Variants in NHSL1 observed in about 807,000 individuals in gnomAD.
The protein encoded by NHSL1 is NHS like 1.
In NHSL1, 48 loss-of-function variants were observed where a neutral mutation model predicts 95.0. That is an observed-to-expected ratio of 0.51 (90% CI 0.40 to 0.64). The LOEUF (loss-of-function observed/expected upper bound fraction) is 0.64. NHSL1 is among the 30% of genes least tolerant of loss of function. NHSL1 has a pLI of 0.00. For synonymous variants in NHSL1, 783 were observed against 833.9 expected, an observed-to-expected ratio of 0.94 and a Z score of 1.05; for missense variants, 1,971 against 2,077.7, an observed-to-expected ratio of 0.95 and a Z score of 1.00.
intron 1 of NHSL1, among the ~76,000 whole-genome samples, chr6:138,515,651 T>C (rs578135091): frequency 1.3e-5 from 2 of 152,326 alleles, no homozygotes; most frequent in East Asian, 1.9e-4. Flanking sequence ...CTATTTCTTG[T>C]CCATCAGGCA....
Position 138,692,182 on chromosome 6 carries a change from A to T in NHSL1, c.96+294T>A. The T allele has an allele frequency of 2.2e-6, 1 of 456,710 alleles. No homozygotes were observed. Among genetic ancestry groups the T allele is most frequent in the Non-Finnish European group, 4.4e-6 (1 of 226,950 alleles). 28.3% of individuals were successfully genotyped at this position (456,710 alleles called of 1,614,324 possible). On this transcript the variant is annotated intron_variant, in intron 1 of 3. Transcript: ENST00000491526. The surrounding 1 kb of genome is among the most constrained non-coding windows in gnomAD (Gnocchi z 4.0). Reference sequence around the variant, plus strand: ...TACAGCGCCCCGGGGTCTCCCAAACAGACAGACACAGACAGACAGAAGGAG... The same window carrying T: ...TACAGCGCCCCGGGGTCTCCCAAACTGACAGACACAGACAGACAGAAGGAG...
intron 3 of NHSL1, among the ~76,000 whole-genome samples, chr6:138,461,472 G>A (rs534116918): frequency 1.3e-5 from 2 of 152,266 alleles, no homozygotes; most frequent in African/African-American, 4.8e-5. Context: ...AGGAAAACCA[G>A]GAGTGTGTTG....
intron 1 of NHSL1, among the ~76,000 whole-genome samples, chr6:138,559,546 C>A (rs1421662105): frequency 6.6e-6 from 1 of 152,174 alleles, no homozygotes; most frequent in Non-Finnish European, 1.5e-5. Flanking sequence ...AGAGGCACCA[C>A]TACTCTACAC....
chr6:138,486,963 C>G (rs1779767242), intron 2 of NHSL1, among the ~76,000 whole-genome samples: 1 of 152,118 alleles, frequency 6.6e-6, no homozygotes, highest in Non-Finnish European at 1.5e-5. Context: ...CTCTAGCACC[C>G]AAGGATGACT....
chr6:138,503,062 T>C (rs1353654958), upstream of NHSL1, among the ~76,000 whole-genome samples: 1 of 152,210 alleles, frequency 6.6e-6, no homozygotes, highest in Admixed American at 6.5e-5. Flanking sequence ...TATATCCACA[T>C]ACTATCTTTT....
intron 1 of NHSL1, among the ~76,000 whole-genome samples, chr6:138,561,525 T>A (rs1050892941): frequency 2.0e-5 from 3 of 152,196 alleles, no homozygotes; most frequent in Admixed American, 1.3e-4. Flanking sequence ...GGAAACGCCC[T>A]GTAGGCCAGG....
At chr6:138,542,263 C>T (rs187947910) in intron 1 of NHSL1, among the ~76,000 whole-genome samples, 4 of 152,308 alleles carry the variant, frequency 2.6e-5, no homozygotes, top group Admixed American at 2.0e-4. Context: ...AAGGAAGAGT[C>T]TTTCCTGGAG....
upstream of NHSL1, among the ~76,000 whole-genome samples, chr6:138,548,356 C>T (rs1234280569): frequency 1.3e-5 from 2 of 152,170 alleles, no homozygotes; most frequent in African/African-American, 4.8e-5. Flanking sequence ...AAGAGAATCT[C>T]ATTCCAGTCA....
At chr6:138,541,920 TC>T (rs1782595335) in intron 1 of NHSL1, among the ~76,000 whole-genome samples, 1 of 152,164 alleles carries the variant, frequency 6.6e-6, no homozygotes, top group African/African-American at 2.4e-5. Context: ...TAAACACACT[TC>T]CCATGCAGCT....
At chr6:138,472,802 C>A (rs961294471) in intron 3 of NHSL1, among the ~76,000 whole-genome samples, 1 of 152,154 alleles carries the variant, frequency 6.6e-6, no homozygotes, top group Non-Finnish European at 1.5e-5. Context: ...TTGGCTAGTG[C>A]AATAATATTA....
At chr6:138,606,162 C>T (rs1470566383) in intron 1 of NHSL1, among the ~76,000 whole-genome samples, 1 of 152,186 alleles carries the variant, frequency 6.6e-6, no homozygotes, top group African/African-American at 2.4e-5. Context: ...AAGCCACCCA[C>T]AAATCACAAC....
chr6:138,538,539 TA>T (rs1464451224), intron 1 of NHSL1, among the ~76,000 whole-genome samples: 14 of 152,160 alleles, frequency 9.2e-5, no homozygotes, highest in African/African-American at 2.9e-4. Flanking sequence ...GACCACACAT[TA>T]AGTCACTGTT....
At chr6:138,660,800 A>G (rs1421554036) in intron 1 of NHSL1, among the ~76,000 whole-genome samples, 1 of 151,980 alleles carries the variant, frequency 6.6e-6, no homozygotes, top group Non-Finnish European at 1.5e-5. Context: ...TACAAAAAAA[A>G]AAAAAAAAAT....
intron 3 of NHSL1, chr6:138,470,714 CTG>C (rs1778696541): frequency 1.3e-5 from 2 of 152,214 alleles, no homozygotes. Flanking sequence ...AGGGCAGACA[CTG>C]TAACTTGGAG....
intron 1 of NHSL1, among the ~76,000 whole-genome samples, chr6:138,587,596 TTC>T (rs750690039): frequency 2.0e-5 from 3 of 151,790 alleles, no homozygotes; most frequent in Admixed American, 6.6e-5. Context: ...AAAGTTTACA[TTC>T]TGTTTATAGA....
chr6:138,594,659 G>C (rs1470849690), intron 1 of NHSL1, among the ~76,000 whole-genome samples: 3 of 151,898 alleles, frequency 2.0e-5, no homozygotes, highest in African/African-American at 4.8e-5. Flanking sequence ...TTCCTAGGAA[G>C]AGCTAGACAA....
At chr6:138,474,068 A>G (rs1232903055) in intron 2 of NHSL1, among the ~76,000 whole-genome samples, 2 of 152,308 alleles carry the variant, frequency 1.3e-5, no homozygotes, top group African/African-American at 2.4e-5. Flanking sequence ...CTATGGTGCC[A>G]TGGATCTCGG....
At chr6:138,663,284 G>C (rs1014521044) in intron 1 of NHSL1, among the ~76,000 whole-genome samples, 2 of 152,092 alleles carry the variant, frequency 1.3e-5, no homozygotes, top group African/African-American at 4.8e-5. Context: ...TTCTAGGCCA[G>C]GCGTGGTGGG....
chr6:138,508,913 T>C (rs578121913), intron 1 of NHSL1, among the ~76,000 whole-genome samples: 1 of 152,344 alleles, frequency 6.6e-6, no homozygotes, highest in Non-Finnish European at 1.5e-5. Context: ...TTGTGACATG[T>C]TATACAGCCC....
Sources: gnomAD v4.1 joint callset for allele counts (sites outside exome capture counted in the v4.1 genomes callset) on GRCh38, gnomAD v4.1.1 for gene constraint, Gnocchi (gnomAD v3.1) non-coding constraint, MANE v1.5 for transcripts, NCBI Gene and HGNC (gene_info 2026-07-23, HGNC 2026-07-21) for gene names.